The following RARB variants were observed in gnomAD, a reference collection of about 807,000 sequenced individuals.
The protein encoded by RARB is retinoic acid receptor beta.
In RARB, 17 loss-of-function variants were observed where a neutral mutation model predicts 51.9. That is an observed-to-expected ratio of 0.33 (90% confidence interval 0.22 to 0.49). The LOEUF is 0.49. Ranked by LOEUF, RARB falls within the 20% of genes least tolerant of loss-of-function variation. The probability of loss-of-function intolerance (pLI) is 0.99; values close to 1 mark genes in which losing one functional copy is unlikely to be tolerated. For synonymous variants in RARB, 215 were observed against 195.4 expected (o/e 1.10, Z -0.84); for missense variants, 369 against 550.8 (o/e 0.67, Z 3.30).
chr3:24,902,917 T>C (rs1703638258), intron 2 of RARB, among the ~76,000 whole-genome samples: 1 of 152,146 alleles, frequency 6.6e-6, no homozygotes, highest in Admixed American at 6.6e-5. Context: ...TGAAAGTATT[T>C]GATTATCTTT....
At chr3:25,409,290 C>A (rs1707496175) in intron 5 of RARB, among the ~76,000 whole-genome samples, 1 of 152,144 alleles carries the variant, frequency 6.6e-6, no homozygotes, top group African/African-American at 2.4e-5. Flanking sequence ...ATACAACTGA[C>A]TTTTCTTTTG....
At chr3:25,207,128 ATG>A (rs1192089980) in intron 5 of RARB, among the ~76,000 whole-genome samples, 1 of 152,186 alleles carries the variant, frequency 6.6e-6, no homozygotes, top group Non-Finnish European at 1.5e-5. Flanking sequence ...TCAGGGGAAA[ATG>A]TATAAATCAC....
chr3:25,190,037 C>A (rs528699792), intron 5 of RARB, among the ~76,000 whole-genome samples: 1 of 152,124 alleles, frequency 6.6e-6, no homozygotes, highest in Non-Finnish European at 1.5e-5. Context: ...CATAGAGCCT[C>A]AGTTAAGCCC....
In RARB at chr3:25,000,287, A is replaced by T. The variant is rs1012973311; in HGVS notation, c.-379-59838A>T. ...ACTTCATCTATCTTAATTCAAAGTA[A>T]TACAAATGTTTCCATAGACCTTGCA... On this transcript the variant is annotated intron_variant, in intron 2 of 11. Coordinates refer to the RARB transcript ENST00000383772. Among the ~76,000 whole-genome samples the T allele has an allele frequency of 3.9e-5, 6 of 152,134 alleles. No individual in the cohort carries two copies. In the South Asian group the frequency reaches 1.0e-3, roughly 26 times the overall value.
At chr3:25,553,662 G>C (rs376814352) in intron 3 of RARB, among the ~76,000 whole-genome samples, 9 of 152,108 alleles carry the variant, frequency 5.9e-5, no homozygotes, top group African/African-American at 2.2e-4. Flanking sequence ...CCCTCCAAAG[G>C]CATTTGGCGT....
intron 3 of RARB, among the ~76,000 whole-genome samples, chr3:25,101,590 T>C (rs1699400997): frequency 6.6e-6 from 1 of 152,066 alleles, no homozygotes; most frequent in South Asian, 2.1e-4. Context: ...CAACACTGTA[T>C]TATTTTGTGT....
At chr3:24,917,965 G>C (rs1325551698) in intron 2 of RARB, among the ~76,000 whole-genome samples, 2 of 152,178 alleles carry the variant, frequency 1.3e-5, no homozygotes, top group African/African-American at 4.8e-5. Context: ...ATGCAAAGTG[G>C]TACAGCTACT....
chr3:25,240,295 A>T (rs1187897277), intron 5 of RARB, among the ~76,000 whole-genome samples: 3 of 151,770 alleles, frequency 2.0e-5, no homozygotes, highest in Admixed American at 2.0e-4. Context: ...TGACTTCCTC[A>T]TTTTCAATTT....
In RARB at chr3:25,011,758, T is replaced by C. The variant is rs561419007; in HGVS notation, c.-379-48367T>C. On this transcript the variant is annotated intron_variant, in intron 2 of 11. Transcript: ENST00000383772. ...GTCAAAGAAGTTGGTGTGTCCTTAGTGGACTTTATAATCCACATAGCAGAC... is the reference window on the plus strand; with the variant it reads ...GTCAAAGAAGTTGGTGTGTCCTTAGCGGACTTTATAATCCACATAGCAGAC... Among the ~76,000 whole-genome samples the C allele has an allele frequency of 4.8e-4, 73 of 152,116 alleles. 1 individual carries two copies. The highest frequency in any genetic ancestry group is 3.9e-4 in the Admixed American group (6 of 15,250).
At chr3:24,917,758 C>T (rs572517017) in intron 2 of RARB, among the ~76,000 whole-genome samples, 13 of 152,328 alleles carry the variant, frequency 8.5e-5, no homozygotes, top group African/African-American at 2.9e-4. Flanking sequence ...AAATCCTGAC[C>T]TCAGGTGATC....
chr3:24,961,919 C>CTTTTTT (rs35078496), intron 2 of RARB, among the ~76,000 whole-genome samples: 3 of 70,674 alleles, frequency 4.2e-5, no homozygotes, highest in Non-Finnish European at 7.4e-5. Context: ...CTTTGGGTGT[C>CTTTTTT]TTTTTTTTTT....
intron 5 of RARB, among the ~76,000 whole-genome samples, chr3:25,176,792 G>T (rs1245957355): frequency 6.6e-6 from 1 of 152,216 alleles, no homozygotes; most frequent in East Asian, 1.9e-4. Context: ...AAAATACAAG[G>T]TAATTATTTT....
intron 3 of RARB, among the ~76,000 whole-genome samples, chr3:25,107,011 C>T (rs1353706237): frequency 6.6e-6 from 1 of 152,086 alleles, no homozygotes; most frequent in African/African-American, 2.4e-5. Flanking sequence ...AGCAATTCTC[C>T]TGCCTCAGCC....
chr3:25,163,283 TGCTTGAGTCTAG>T (rs1158231978), intron 4 of RARB, among the ~76,000 whole-genome samples: 1 of 152,058 alleles, frequency 6.6e-6, no homozygotes, highest in Non-Finnish European at 1.5e-5. Context: ...GTGAGCAGAT[TGCTTGAGTCTAG>T]GAGTTTGAGA....
At chr3:25,248,817 G>A (rs1167337632) in intron 5 of RARB, among the ~76,000 whole-genome samples, 4 of 152,040 alleles carry the variant, frequency 2.6e-5, no homozygotes, top group African/African-American at 9.7e-5. Context: ...TAGTCTGGTT[G>A]GGGTTCCCTT....
chr3:25,540,299 A>G (rs977100332), intron 3 of RARB, among the ~76,000 whole-genome samples: 6 of 152,156 alleles, frequency 3.9e-5, no homozygotes, highest in Non-Finnish European at 5.9e-5. Context: ...TGCTTAGTGG[A>G]AGGAAAGCGG....
intron 3 of RARB, among the ~76,000 whole-genome samples, chr3:25,067,503 C>T (rs944404761): frequency 6.6e-6 from 1 of 152,020 alleles, no homozygotes; most frequent in Admixed American, 6.5e-5. Flanking sequence ...TTTCTACATG[C>T]CTTTTATCAC....
intron 3 of RARB, among the ~76,000 whole-genome samples, chr3:25,108,480 C>G (rs1587426): frequency 0.75 from 114,627 of 151,996 alleles, 43,560 homozygotes; most frequent in East Asian, 0.86. Flanking sequence ...GAAGAAGAAA[C>G]AGATAGATAA....
chr3:25,012,479 T>C (rs775778397), intron 2 of RARB, among the ~76,000 whole-genome samples: 2 of 152,092 alleles, frequency 1.3e-5, no homozygotes, highest in Non-Finnish European at 2.9e-5. Flanking sequence ...TACTAGAAGC[T>C]CTGTGTTCCT....
Sources: allele counts gnomAD v4.1 joint callset (sites outside exome capture counted in the v4.1 genomes callset), GRCh38; gene constraint gnomAD v4.1.1; transcripts MANE v1.5; gene names NCBI Gene and HGNC (gene_info 2026-07-23, HGNC 2026-07-21).